Variants in PKD1L1 observed in about 807,000 individuals in gnomAD.
The protein encoded by PKD1L1 is polycystin-1-like protein 1.
In PKD1L1, 236 loss-of-function variants were observed where a neutral mutation model predicts 323.4. The ratio of observed to expected loss-of-function variants is 0.73; its 90% CI spans 0.66 to 0.81. The LOEUF (loss-of-function observed/expected upper bound fraction) is 0.81. Among genes scored for constraint, PKD1L1 ranks in the 40% least tolerant of loss-of-function variants. The pLI, the probability that PKD1L1 is intolerant of heterozygous loss-of-function variation, is 0.00. For synonymous variants in PKD1L1, 1,344 were observed against 1,335.0 expected, an observed-to-expected ratio of 1.01 and a Z score of -0.15; for missense variants, 3,320 against 3,508.0, an observed-to-expected ratio of 0.95 and a Z score of 1.35.
intron 23 of PKD1L1, among the ~76,000 whole-genome samples, chr7:47,874,571 C>T (rs1195255538): frequency 3.3e-5 from 5 of 152,176 alleles, no homozygotes; most frequent in Non-Finnish European, 7.3e-5. Flanking sequence ...GCAGCCCAAG[C>T]GCCAGGCATC....
At position 47,865,269 on chromosome 7, in the gene PKD1L1, C is replaced by T. The variant is rs1786137998; in HGVS notation, c.4096G>A (p.Glu1366Lys). The T allele has an allele frequency of 6.2e-7, 1 of 1,612,954 alleles. No homozygotes were observed. Among genetic ancestry groups the T allele is most frequent in the African/African-American group, 1.3e-5 (1 of 75,010 alleles). The change falls in exon 26 of 57, where the codon GAA (glutamate) becomes AAA (lysine). Residue 1366 changes from glutamate (E) to lysine (K), a missense_variant. Physicochemically the swap from Glu to Lys is moderately conservative, Grantham distance 56. Coordinates refer to ENST00000289672, the MANE Select transcript of PKD1L1 (RefSeq NM_138295.5). The stretch of plus-strand genomic sequence containing the variant: ...AACATAAGAACAGAACCAATCATTT[C>T]TTCCTGACCAGAAGAAACAACAATA... ...VCRLAFVDQE[E>K]MIGSVLMLRD...
At chr7:47,950,787 A>G (rs1386783278), upstream of PKD1L1, among the ~76,000 whole-genome samples, 1 of 152,130 alleles carries the variant, frequency 6.6e-6, no homozygotes, top group African/African-American at 2.4e-5. Flanking sequence ...GATACAAACT[A>G]TACAATGTTT....
At chr7:47,822,386 C>A (rs540327211) in intron 45 of PKD1L1, among the ~76,000 whole-genome samples, 1 of 151,234 alleles carries the variant, frequency 6.6e-6, no homozygotes, top group Non-Finnish European at 1.5e-5. Flanking sequence ...GTCAGGAGAT[C>A]GAGACTATCC....
At chr7:47,941,514 T>C (rs2128758582) in intron 2 of PKD1L1, among the ~76,000 whole-genome samples, 1 of 152,346 alleles carries the variant, frequency 6.6e-6, no homozygotes, top group Non-Finnish European at 1.5e-5. Flanking sequence ...AAGTCACTAT[T>C]TACTGTCAAG....
chr7:47,959,980 T>C, the PKD1L1 span, among the ~76,000 whole-genome samples: 5 of 152,066 alleles, frequency 3.3e-5, no homozygotes, highest in African/African-American at 9.7e-5. Context: ...CATGTCTGTG[T>C]AGAAAGAGGT....
chr7:47,900,668 C>T (rs1787066702), intron 13 of PKD1L1, among the ~76,000 whole-genome samples: 1 of 152,058 alleles, frequency 6.6e-6, no homozygotes, highest in African/African-American at 2.4e-5. Context: ...GTGGAGACTG[C>T]AGTGAGCCGA....
chr7:47,921,424 G>A (rs1003185674), intron 7 of PKD1L1, among the ~76,000 whole-genome samples: 8 of 152,052 alleles, frequency 5.3e-5, no homozygotes, highest in East Asian at 3.9e-4. Flanking sequence ...AACAGGGAAC[G>A]CTTCTATACT....
the PKD1L1 span, among the ~76,000 whole-genome samples, chr7:47,958,424 T>C: frequency 6.6e-6 from 1 of 152,286 alleles, no homozygotes; most frequent in South Asian, 2.1e-4. Flanking sequence ...TCTCCCACCA[T>C]ATACACAAAT....
chr7:47,797,944 A>G (rs561554730), intron 54 of PKD1L1, among the ~76,000 whole-genome samples: 1 of 152,256 alleles, frequency 6.6e-6, no homozygotes, highest in Non-Finnish European at 1.5e-5. Flanking sequence ...ATCAAAGAGT[A>G]TCTAAATAAA....
intron 15 of PKD1L1, among the ~76,000 whole-genome samples, chr7:47,891,471 G>T (rs1309229221): frequency 3.3e-5 from 5 of 152,310 alleles, no homozygotes; most frequent in South Asian, 4.1e-4. Flanking sequence ...GGCTAGGAAG[G>T]CCTGGCCCCA....
At position 47,815,328 on chromosome 7, in the gene PKD1L1, G is replaced by A; in HGVS notation, c.7089+6C>T. The A allele has an allele frequency of 6.2e-7, 1 of 1,612,716 alleles. No individual in the cohort carries two copies. The highest frequency in any genetic ancestry group is 1.1e-5 in the South Asian group (1 of 90,792). ...ATCTCCTATGAAGAGGAGACGGAAA[G>A]CTCACCTGAGCCCCCGGCACACGGG... On this transcript the variant is annotated splice_donor_region_variant and intron_variant, in intron 47 of 56. Transcript: ENST00000289672.
In PKD1L1 at chr7:47,921,728, T is replaced by C. The variant is rs867786652; in HGVS notation, c.1061-6129A>G. Among the ~76,000 whole-genome samples, 10 of 152,290 alleles carry C rather than the reference T, an allele frequency of 6.6e-5. No homozygotes were observed. The Middle Eastern group carries it at 0.014, about 207-fold the overall frequency. ...CTCAGCTATAAGAAGAGTGAATTAA[T>C]GGCATTCACAGCAACCTGGATGAGA... On this transcript the variant is annotated intron_variant, in intron 7 of 56. Coordinates refer to ENST00000289672, the MANE Select transcript of PKD1L1 (RefSeq NM_138295.5).
chr7:47,836,836 T>G, intron 37 of PKD1L1, 85 bp downstream of exon 37: 11 of 1,446,528 alleles, frequency 7.6e-6, no homozygotes, highest in Non-Finnish European at 1.0e-5. Context: ...CGGAGAACTG[T>G]GAGCTTTGTT....
rs560241341 is a variant in PKD1L1, at chr7:47,844,913, C to T, written c.5237+82G>A. ...GTAAGTAACATGGATTTCAAGCACC[C>T]CCGGAATTATATGTGGGCATCCTGA... On this transcript the variant is annotated intron_variant, in intron 33 of 56. Transcript: ENST00000289672. 2.1e-4 allele frequency: 240 copies of T among 1,152,842 alleles called. No homozygotes were observed. The African/African-American group carries it at 3.5e-3, about 17-fold the overall frequency. 71.4% of individuals were successfully genotyped at this position (1,152,842 alleles called of 1,614,324 possible).
At chr7:47,819,164 A>G (rs1562945234) in intron 46 of PKD1L1, among the ~76,000 whole-genome samples, 2 of 152,258 alleles carry the variant, frequency 1.3e-5, no homozygotes, top group Admixed American at 6.5e-5. Flanking sequence ...TAAACATTCC[A>G]TTACCAACCA....
intron 51 of PKD1L1, chr7:47,809,271 G>A (rs1784844209): frequency 6.5e-6 from 3 of 459,562 alleles, no homozygotes; most frequent in East Asian, 3.7e-5. Flanking sequence ...GCTGAAATTC[G>A]TGTGGTACAT....
rs1185088693 is a variant in PKD1L1 at position 47,902,445 on chromosome 7, T to C, written c.1998A>G (p.Gln666=). 2.5e-6 allele frequency: 4 copies of C among 1,614,002 alleles called. No homozygotes were observed. Among genetic ancestry groups the C allele is most frequent in the Non-Finnish European group, 3.4e-6 (4 of 1,180,008 alleles). The change falls in exon 13 of 57, where the codon CAA becomes CAG. Residue 666 remains glutamine (Q), a synonymous_variant. Coordinates refer to ENST00000289672, the MANE Select transcript of PKD1L1 (RefSeq NM_138295.5). ...GGCAGGGCTCGCACACGATGAAAAG[T>C]TGCTGTCTTAGAGTGGAGGCACTGA... ...NNVSASTLRQ[Q]LFIVCEPCQP... is the part of the protein sequence containing the mutation.
chr7:47,911,233 T>G (rs557870195), intron 8 of PKD1L1, among the ~76,000 whole-genome samples: 1 of 152,264 alleles, frequency 6.6e-6, no homozygotes, highest in South Asian at 2.1e-4. Flanking sequence ...CATCTCACTC[T>G]CTCTCATTTC....
chr7:47,803,080 G>A, intron 53 of PKD1L1, 130 bp downstream of exon 53: 1 of 1,126,370 alleles, frequency 8.9e-7, no homozygotes, highest in Admixed American at 2.3e-5. Flanking sequence ...CACTGTAAGG[G>A]ATTAGAAGAC....
Sources: allele counts gnomAD v4.1 joint callset (sites outside exome capture counted in the v4.1 genomes callset), GRCh38; gene constraint gnomAD v4.1.1; transcripts MANE v1.5; gene names NCBI Gene and HGNC (gene_info 2026-07-23, HGNC 2026-07-21).